CTBP2: variants seen among roughly 807,000 people sequenced by gnomAD.
CTBP2 encodes C-terminal-binding protein 2.
A neutral mutation model predicts 80.3 loss-of-function variants in CTBP2; 30 were observed. The observed-to-expected ratio is 0.37, with a 90% CI of 0.28 to 0.51. CTBP2 has a LOEUF of 0.51. CTBP2 is among the 20% of genes least tolerant of loss of function. The pLI is 0.93. For synonymous variants in CTBP2, 594 were observed against 587.4 expected (o/e 1.01, Z -0.16); for missense variants, 1,212 against 1,375.3 (o/e 0.88, Z 1.88).
chr10:125,136,246 C>A (rs1204847616), intron 1 of CTBP2, among the ~76,000 whole-genome samples: 15 of 152,188 alleles, frequency 9.9e-5, no homozygotes, highest in African/African-American at 3.1e-4. Flanking sequence ...CCCAGGCTGG[C>A]CCCTCACCCT....
Position 124,985,036 on chromosome 10 carries a change from A to G in CTBP2, c.*4482T>C, listed in dbSNP as rs1321216377. ...AGAAGACCAAGGCATCAGATCTGTA[A>G]TGACCCTAAAGTTAGTGTGGTGCTC... On this transcript the variant is annotated 3_prime_UTR_variant, in exon 9 of 9. Coordinates refer to ENST00000309035, the MANE Select transcript of CTBP2 (RefSeq NM_022802.3). 4.8e-6 allele frequency: 7 copies of G among 1,466,810 alleles called. No homozygotes were observed. The Admixed American group carries it at 5.8e-5, about 12-fold the overall frequency. 90.9% of individuals were successfully genotyped at this position (1,466,810 alleles called of 1,614,324 possible).
chr10:125,072,689 C>CA (rs1295214163), intron 2 of CTBP2, among the ~76,000 whole-genome samples: 2 of 121,418 alleles, frequency 1.6e-5, no homozygotes, highest in African/African-American at 3.2e-5. Context: ...AACAAAGAAA[C>CA]AGATGCCAAT....
chr10:125,077,763 C>T lies in CTBP2; in HGVS notation c.-102+33227G>A, dbSNP rs112808317. 1.9e-3 allele frequency among the ~76,000 whole-genome samples: 288 copies of T among 152,280 alleles called. 1 individual carries two copies. The highest frequency in any genetic ancestry group is 6.2e-3 in the African/African-American group (258 of 41,548). ...TGATGCCCACCCCAGCTGATGCCCA[C>T]GGGACCCCTGGCCCTCTGCCTCCCG... is the stretch of plus-strand genomic sequence containing the variant. On this transcript the variant is annotated intron_variant, in intron 2 of 10. Transcript: ENST00000337195.
chr10:125,150,770 G>C (rs1442209763), intron 1 of CTBP2, among the ~76,000 whole-genome samples: 2 of 149,908 alleles, frequency 1.3e-5, no homozygotes, highest in African/African-American at 4.9e-5. Context: ...GTATTCAACG[G>C]GGCCTGCCTC....
chr10:125,027,043 A>G lies in CTBP2; in HGVS notation c.717T>C (p.Ala239=). The change falls in exon 1 of 9, where the codon GCT becomes GCC. Residue 239 remains alanine, a synonymous_variant. Transcript: ENST00000309035. ...CCCCTGTGCTGCCTTCGGGGGCAGC[A>G]GCTGAACTGGGGTCCACAACCAGGC... 6.2e-7 allele frequency: 1 copy of G among 1,613,558 alleles called. No individual in the cohort carries two copies. Among genetic ancestry groups the G allele is most frequent in the Non-Finnish European group, 8.5e-7 (1 of 1,179,772 alleles).
chr10:125,135,174 C>A lies in CTBP2; in HGVS notation c.-205-24081G>T, dbSNP rs924313431. Among the ~76,000 whole-genome samples, 8 of 152,260 alleles carry A rather than the reference C, an allele frequency of 5.3e-5. No homozygotes were observed. The South Asian group carries it at 8.3e-4, about 16-fold the overall frequency. On this transcript the variant is annotated intron_variant, in intron 1 of 10. Coordinates refer to the CTBP2 transcript ENST00000337195. The stretch of plus-strand genomic sequence containing the variant: ...AGGAAACCAAGTCCCCAGTCTCTCC[C>A]TGACTCTGCCTTCTACAAAAGCCCA...
At chr10:125,119,382 C>T (rs2136013653) in intron 1 of CTBP2, among the ~76,000 whole-genome samples, 1 of 152,336 alleles carries the variant, frequency 6.6e-6, no homozygotes, top group East Asian at 1.9e-4. Context: ...ACTCCACTCT[C>T]CCCCTAGGGA....
At position 125,026,760 on chromosome 10, in the gene CTBP2, G is replaced by T; in HGVS notation, c.1000C>A (p.Pro334Thr). 16 of 1,613,082 alleles carry T rather than the reference G, an allele frequency of 9.9e-6. No individual in the cohort carries two copies. Among genetic ancestry groups the T allele is most frequent in the Non-Finnish European group, 1.4e-5 (16 of 1,179,970 alleles). The change falls in exon 1 of 9, where the codon CCC becomes ACC. Residue 334 changes from proline (P) to threonine (T), a missense_variant. Pro to Thr is a conservative substitution (Grantham distance 38). This residue lies in a region of CTBP2 where 848 missense variants were observed against 782.3 expected (regional missense o/e 1.08). Coordinates refer to ENST00000309035, the MANE Select transcript of CTBP2 (RefSeq NM_022802.3). ...AGAACACGGGCCTGGCCCAGGTTGGGTGCGACAGACTTGATATCCGCGTCC... is the reference window on the plus strand; with the variant it reads ...AGAACACGGGCCTGGCCCAGGTTGGTTGCGACAGACTTGATATCCGCGTCC...
chr10:125,026,291 A>G lies in CTBP2; in HGVS notation c.1469T>C (p.Leu490Pro). 6.2e-7 allele frequency: 1 copy of G among 1,613,882 alleles called. No individual in the cohort carries two copies. Reference sequence around the variant, plus strand: ...GGCCACGTTGCGCTCCCTCTTTAGCAGCTCCATGGGCACCGTGTATGCCGT... The same window carrying G: ...GGCCACGTTGCGCTCCCTCTTTAGCGGCTCCATGGGCACCGTGTATGCCGT... The change falls in exon 1 of 9, where the codon CTG becomes CCG. Residue 490 changes from leucine (L) to proline (P), a missense_variant. Around this residue, in one of 3 missense-constraint regions of CTBP2, gnomAD observed 848 missense variants for 782.3 expected, o/e 1.08. Coordinates refer to ENST00000309035, the MANE Select transcript of CTBP2 (RefSeq NM_022802.3).
chr10:125,049,046 GAC>G (rs1178000125), intron 2 of CTBP2, among the ~76,000 whole-genome samples: 3,221 of 89,554 alleles, frequency 0.036, 54 homozygotes, highest in Middle Eastern at 0.083. Context: ...CCTGACCACA[GAC>G]ACACACACAC....
intron 2 of CTBP2, among the ~76,000 whole-genome samples, chr10:125,098,744 G>GACAA (rs1850095294): frequency 8.7e-6 from 1 of 114,470 alleles, no homozygotes; most frequent in Non-Finnish European, 1.9e-5. Context: ...GAGAGAGAGA[G>GACAA]AGAGACAGAG....
At chr10:125,042,361 CT>C (rs1960103890) in intron 2 of CTBP2, among the ~76,000 whole-genome samples, 1 of 152,218 alleles carries the variant, frequency 6.6e-6, no homozygotes, top group African/African-American at 2.4e-5. Context: ...TGGCTCTGGG[CT>C]CCCTGACATC....
chr10:124,990,007 G>A (rs1952377909), intron 8 of CTBP2, among the ~76,000 whole-genome samples: 3 of 151,358 alleles, frequency 2.0e-5, no homozygotes, highest in African/African-American at 7.3e-5. Flanking sequence ...CAGAGTCCTG[G>A]GAGTACAGGC....
rs1564914318 is a variant in CTBP2 at position 125,098,724 on chromosome 10, C to CAGAGAGAG, written c.-102+12258_-102+12265dup. Among the ~76,000 whole-genome samples, 249 of 75,576 alleles carry CAGAGAGAG rather than the reference C, an allele frequency of 3.3e-3. 2 individuals carry two copies. The highest frequency in any genetic ancestry group is 8.5e-3 in the Middle Eastern group (1 of 118). 49.6% of individuals were successfully genotyped at this position (75,576 alleles called of 152,430 possible). Reference sequence around the variant, plus strand: ...AGAGAGAGACAGAGAGAGAGAGAGACAGAGAGAGAGAGAGAGAGAGAGAGA... The same window carrying CAGAGAGAG: ...AGAGAGAGACAGAGAGAGAGAGAGACAGAGAGAGAGAGAGAGAGAGAGAGAGAGAGAGA... On this transcript the variant is annotated intron_variant, in intron 2 of 10. Coordinates refer to the CTBP2 transcript ENST00000337195.
At chr10:125,124,776 ACT>A (rs1854939982) in intron 1 of CTBP2, among the ~76,000 whole-genome samples, 1 of 152,130 alleles carries the variant, frequency 6.6e-6, no homozygotes, top group South Asian at 2.1e-4. Flanking sequence ...TAAAACAAAA[ACT>A]CTTTCAATTA....
At chr10:125,054,106 G>A (rs911619284) in intron 2 of CTBP2, among the ~76,000 whole-genome samples, 3 of 152,088 alleles carry the variant, frequency 2.0e-5, no homozygotes, top group South Asian at 2.1e-4. Flanking sequence ...CCCACTGAGA[G>A]CTTTCCAAGC....
chr10:125,089,330 A>C (rs1222126336), intron 2 of CTBP2, among the ~76,000 whole-genome samples: 1 of 152,262 alleles, frequency 6.6e-6, no homozygotes, highest in African/African-American at 2.4e-5. Context: ...ACTTTAAATC[A>C]AAGTAATGAA....
intron 4 of CTBP2, among the ~76,000 whole-genome samples, chr10:124,995,510 G>A (rs1953356367): frequency 6.6e-6 from 1 of 152,222 alleles, no homozygotes; most frequent in Non-Finnish European, 1.5e-5. Context: ...TAAAGCCATG[G>A]CTCCAAGGTG....
Position 125,087,550 on chromosome 10 carries a change from C to T in CTBP2, c.-102+23440G>A, listed in dbSNP as rs187428312. ...AGGTCTGTCTTCCAAAGAGCCTGGG[C>T]CTGCTCCTTTTGTCATTCTACTGGC... On this transcript the variant is annotated intron_variant, in intron 2 of 10. Coordinates refer to the CTBP2 transcript ENST00000337195. Among the ~76,000 whole-genome samples, 9 of 152,328 alleles carry T rather than the reference C, an allele frequency of 5.9e-5. No individual in the cohort carries two copies. The East Asian group carries it at 1.7e-3, about 29-fold the overall frequency.
Sources: gnomAD v4.1 joint callset for allele counts (sites outside exome capture counted in the v4.1 genomes callset) on GRCh38, gnomAD v4.1.1 for gene constraint, gnomAD v4.1.1 regional missense constraint, MANE v1.5 for transcripts, NCBI Gene and HGNC (gene_info 2026-07-23, HGNC 2026-07-21) for gene names.